The following SOX5 variants were observed in gnomAD, a reference collection of about 807,000 sequenced individuals.
SOX5 encodes SRY-box transcription factor 5.
In SOX5, 9 loss-of-function variants were observed where a neutral mutation model predicts 92.0. The ratio of observed to expected loss-of-function variants is 0.10; its 90% confidence interval spans 0.06 to 0.17. The LOEUF is 0.17. Among genes scored for constraint, SOX5 ranks in the 10% least tolerant of loss-of-function variants. The pLI is 1.00. For synonymous variants in SOX5, 344 were observed against 336.3 expected, an observed-to-expected ratio of 1.02 and a Z score of -0.25; for missense variants, 642 against 944.5, an observed-to-expected ratio of 0.68 and a Z score of 4.20.
intron 4 of SOX5, among the ~76,000 whole-genome samples, chr12:24,202,333 T>C (rs560679200): frequency 6.6e-6 from 1 of 152,224 alleles, no homozygotes; most frequent in South Asian, 2.1e-4. Context: ...ACAATTTTTA[T>C]CTTCCAATTT....
intron 1 of SOX5, among the ~76,000 whole-genome samples, chr12:24,474,543 C>T (rs917189572): frequency 2.0e-5 from 3 of 151,718 alleles, no homozygotes; most frequent in Non-Finnish European, 2.9e-5. Flanking sequence ...TTTGTTTGTT[C>T]GTTTGTTTTT....
intron 1 of SOX5, among the ~76,000 whole-genome samples, chr12:24,533,493 A>G (rs1951367856): frequency 6.6e-6 from 1 of 152,156 alleles, no homozygotes; most frequent in African/African-American, 2.4e-5. Flanking sequence ...TAGGGAAACT[A>G]ATGAGGTAAG....
At position 24,098,957 on chromosome 12, in the gene SOX5, A is replaced by G. The variant is rs537939961; in HGVS notation, c.-2+114386T>C. ...GTAGTGTATGTCTAGCAAAATGGCTATTTGTTAGTTCTGGAATCATTCTTG... is the reference window on the plus strand; with the variant it reads ...GTAGTGTATGTCTAGCAAAATGGCTGTTTGTTAGTTCTGGAATCATTCTTG... On this transcript the variant is annotated intron_variant, in intron 4 of 4. Coordinates refer to the SOX5 transcript ENST00000446891. Among the ~76,000 whole-genome samples, 4 of 152,234 alleles carry G rather than the reference A, an allele frequency of 2.6e-5. No homozygotes were observed. The South Asian group carries it at 8.3e-4, about 32-fold the overall frequency.
intron 3 of SOX5, among the ~76,000 whole-genome samples, chr12:23,796,543 C>G (rs977153344): frequency 2.0e-5 from 3 of 151,934 alleles, no homozygotes; most frequent in African/African-American, 7.3e-5. Flanking sequence ...ATAAGTATCA[C>G]TGGTGGTGGA....
In SOX5 at chr12:24,201,250, C is replaced by T. The variant is rs77378510; in HGVS notation, c.-2+12093G>A. 4.1e-3 allele frequency among the ~76,000 whole-genome samples: 621 copies of T among 152,106 alleles called. 1 individual carries two copies. Among genetic ancestry groups the T allele is most frequent in the Non-Finnish European group, 6.9e-3 (469 of 67,980 alleles). Reference sequence around the variant, plus strand: ...AAAAGTATTTCCACTCCATGTTGTGCGCTCATGTGGAAAGAAAATTTTATA... The same window carrying T: ...AAAAGTATTTCCACTCCATGTTGTGTGCTCATGTGGAAAGAAAATTTTATA... On this transcript the variant is annotated intron_variant, in intron 4 of 4. Transcript: ENST00000446891.
At chr12:24,262,542 C>G (rs1419947970) in intron 3 of SOX5, among the ~76,000 whole-genome samples, 1 of 152,092 alleles carries the variant, frequency 6.6e-6, no homozygotes, top group Non-Finnish European at 1.5e-5. Context: ...AACATTAAAC[C>G]AAACGCCCAC....
intron 1 of SOX5, among the ~76,000 whole-genome samples, chr12:24,396,049 C>T (rs954376644): frequency 6.6e-6 from 1 of 152,160 alleles, no homozygotes; most frequent in African/African-American, 2.4e-5. Flanking sequence ...TCCATCCTCT[C>T]GTGTCACATA....
intron 4 of SOX5, among the ~76,000 whole-genome samples, chr12:24,167,992 G>T (rs1437401091): frequency 6.6e-6 from 1 of 152,200 alleles, no homozygotes; most frequent in East Asian, 1.9e-4. Flanking sequence ...TTAGAGGAAA[G>T]GATGTTCCTT....
chr12:23,929,146 C>G (rs1317342983), intron 1 of SOX5, among the ~76,000 whole-genome samples: 2 of 151,780 alleles, frequency 1.3e-5, no homozygotes, highest in African/African-American at 4.8e-5. Context: ...TTTGAATTAT[C>G]TCACAAAGAG....
intron 1 of SOX5, among the ~76,000 whole-genome samples, chr12:24,486,339 A>G (rs1946527093): frequency 6.6e-6 from 1 of 152,150 alleles, no homozygotes; most frequent in Admixed American, 6.5e-5. Flanking sequence ...TTTCTTCTCT[A>G]CCATCCCACC....
At chr12:24,223,006 CA>C (rs930246553) in intron 3 of SOX5, among the ~76,000 whole-genome samples, 1 of 152,218 alleles carries the variant, frequency 6.6e-6, no homozygotes, top group African/African-American at 2.4e-5. Flanking sequence ...TTCAAAACTG[CA>C]GAGTCAACTG....
At chr12:23,977,123 C>T (rs1216163880) in intron 4 of SOX5, among the ~76,000 whole-genome samples, 1 of 152,126 alleles carries the variant, frequency 6.6e-6, no homozygotes, top group East Asian at 1.9e-4. Context: ...AATAATAAGA[C>T]TGCATTAAGA....
intron 4 of SOX5, among the ~76,000 whole-genome samples, chr12:24,058,606 C>T (rs759281093): frequency 2.3e-4 from 35 of 151,912 alleles, no homozygotes; most frequent in Non-Finnish European, 5.0e-4. Flanking sequence ...ATTACTTTTG[C>T]AAAGAAAAAA....
intron 3 of SOX5, among the ~76,000 whole-genome samples, chr12:23,825,775 A>C (rs1007723679): frequency 2.0e-5 from 3 of 152,328 alleles, no homozygotes; most frequent in Admixed American, 6.5e-5. Flanking sequence ...AACATTTCAA[A>C]AGGTATAGTG....
chr12:24,347,801 G>C (rs1315662752), intron 2 of SOX5, among the ~76,000 whole-genome samples: 3 of 152,112 alleles, frequency 2.0e-5, no homozygotes, highest in Non-Finnish European at 4.4e-5. Context: ...TGCAGTGCTA[G>C]ACAGGTTTTA....
At chr12:24,206,278 G>T (rs576247315) in intron 4 of SOX5, among the ~76,000 whole-genome samples, 1 of 152,200 alleles carries the variant, frequency 6.6e-6, no homozygotes, top group South Asian at 2.1e-4. Flanking sequence ...TCTGCATTGC[G>T]TATTTATCTT....
At chr12:23,919,635 G>A (rs748265149) in intron 1 of SOX5, among the ~76,000 whole-genome samples, 3 of 151,900 alleles carry the variant, frequency 2.0e-5, no homozygotes, top group East Asian at 1.9e-4. Context: ...TCTACTTTAC[G>A]GCCAAGGAAG....
chr12:23,554,372 T>C (rs1944743916), intron 11 of SOX5, among the ~76,000 whole-genome samples: 1 of 152,108 alleles, frequency 6.6e-6, no homozygotes, highest in Non-Finnish European at 1.5e-5. Context: ...GTCTCAAAAA[T>C]GTGCCAAGGG....
At chr12:24,223,733 C>T (rs1229004006) in intron 3 of SOX5, among the ~76,000 whole-genome samples, 1 of 152,046 alleles carries the variant, frequency 6.6e-6, no homozygotes, top group East Asian at 1.9e-4. Context: ...CTAGCTCAGG[C>T]AATAGAGTGA....
Sources: allele counts gnomAD v4.1 joint callset (sites outside exome capture counted in the v4.1 genomes callset), GRCh38; gene constraint gnomAD v4.1.1; transcripts MANE v1.5; gene names NCBI Gene and HGNC (gene_info 2026-07-23, HGNC 2026-07-21).